The following PCDHA10 variants were observed in gnomAD, a reference collection of about 807,000 sequenced individuals.
PCDHA10 encodes the protein protocadherin alpha-10.
Under a neutral mutation model 61.2 loss-of-function variants are expected in PCDHA10, and 45 were observed. The observed-to-expected ratio is 0.74, with a 90% confidence interval of 0.58 to 0.94. The LOEUF (loss-of-function observed/expected upper bound fraction) is 0.94. Ranked by LOEUF, PCDHA10 falls within the 40% of genes least tolerant of loss-of-function variation. The probability of loss-of-function intolerance (pLI) is 0.00; values close to 1 mark genes in which losing one functional copy is unlikely to be tolerated. For synonymous variants in PCDHA10, 602 were observed against 548.8 expected, an observed-to-expected ratio of 1.10 and a Z score of -1.35; for missense variants, 1,278 against 1,236.2, an observed-to-expected ratio of 1.03 and a Z score of -0.51.
At chr5:141,005,302 G>T (rs940194498) in intron 3 of PCDHA10, among the ~76,000 whole-genome samples, 1 of 152,160 alleles carries the variant, frequency 6.6e-6, no homozygotes, top group Non-Finnish European at 1.5e-5. Context: ...TTGCCTTTGT[G>T]AATCTTACAG....
intron 3 of PCDHA10, among the ~76,000 whole-genome samples, chr5:141,007,395 C>CAAAAAAAAAAAAAAAAAA (rs35800918): frequency 1.1e-5 from 1 of 94,866 alleles, no homozygotes; most frequent in African/African-American, 4.3e-5. Context: ...TACTAAAATA[C>CAAAAAAAAAAAAAAAAAA]AAAAAAAAAA....
intron 1 of PCDHA10, among the ~76,000 whole-genome samples, chr5:140,903,657 A>G (rs913315008): frequency 6.6e-6 from 1 of 152,230 alleles, no homozygotes; most frequent in Non-Finnish European, 1.5e-5. Flanking sequence ...TATATTATAA[A>G]TTTAACTGAT....
chr5:140,923,078 G>A (rs1392146044), intron 1 of PCDHA10, among the ~76,000 whole-genome samples: 1 of 152,200 alleles, frequency 6.6e-6, no homozygotes, highest in African/African-American at 2.4e-5. Context: ...CCTCATGTCA[G>A]CACTTATTTG....
chr5:140,966,278 T>A, intron 1 of PCDHA10: 1 of 363,192 alleles, frequency 2.8e-6, no homozygotes, highest in Non-Finnish European at 4.9e-6. Context: ...AACTGGACAG[T>A]GGGGGTAGGG....
chr5:140,938,226 A>G lies in PCDHA10; in HGVS notation c.2389-40723A>G, dbSNP rs529190111. On this transcript the variant is annotated intron_variant, in intron 1 of 3. Transcript: ENST00000307360. ...CTCCCAAAGTGCTGGGATTACAGGC[A>G]TAGGCCACCATGCCTGGTCTTTTAA... Among the ~76,000 whole-genome samples the G allele has an allele frequency of 3.3e-5, 5 of 152,330 alleles. No individual in the cohort carries two copies. In the South Asian group the frequency reaches 1.0e-3, roughly 32 times the overall value.
intron 1 of PCDHA10, chr5:140,883,560 G>C: frequency 6.2e-7 from 1 of 1,614,184 alleles, no homozygotes; most frequent in South Asian, 1.1e-5. Flanking sequence ...CGGGACGGGG[G>C]CTCGCCTTCG....
intron 1 of PCDHA10, among the ~76,000 whole-genome samples, chr5:140,958,399 T>C (rs1554223458): frequency 6.6e-6 from 1 of 152,178 alleles, no homozygotes; most frequent in African/African-American, 2.4e-5. Flanking sequence ...CATCAAACAT[T>C]ATCACTGATG....
At chr5:140,954,406 G>A (rs556455987) in intron 1 of PCDHA10, among the ~76,000 whole-genome samples, 2 of 152,268 alleles carry the variant, frequency 1.3e-5, no homozygotes, top group East Asian at 3.9e-4. Flanking sequence ...CACCAACAGG[G>A]TAAAGGTGTT....
At chr5:140,972,783 C>T (rs1437997582) in intron 1 of PCDHA10, among the ~76,000 whole-genome samples, 2 of 151,768 alleles carry the variant, frequency 1.3e-5, no homozygotes, top group African/African-American at 4.8e-5. Context: ...TCTGCCTCAG[C>T]CTCCTGAGTA....
chr5:140,936,091 C>T (rs782416143), intron 1 of PCDHA10, among the ~76,000 whole-genome samples: 2 of 152,046 alleles, frequency 1.3e-5, no homozygotes, highest in Non-Finnish European at 2.9e-5. Flanking sequence ...CAGGGTTTCA[C>T]CATGTTGGCC....
chr5:140,869,183 G>A, intron 1 of PCDHA10: 1 of 1,613,958 alleles, frequency 6.2e-7, no homozygotes, highest in Non-Finnish European at 8.5e-7. Flanking sequence ...TGGGAGGTGG[G>A]GAGCGGCCAG....
At position 140,910,081 on chromosome 5, in the gene PCDHA10, A is replaced by G. The variant is rs183187398; in HGVS notation, c.2388+51645A>G. 2.8e-3 allele frequency among the ~76,000 whole-genome samples: 421 copies of G among 152,330 alleles called. 2 individuals are homozygous for G. Among genetic ancestry groups the G allele is most frequent in the Middle Eastern group, 0.014 (4 of 294 alleles). On this transcript the variant is annotated intron_variant, in intron 1 of 3. Coordinates refer to ENST00000307360, the MANE Select transcript of PCDHA10 (RefSeq NM_018901.4). Reference sequence around the variant, plus strand: ...CTTTTAACAGCGTAAATTGTTGTCAAGGGGAACCAGCCTCCCCTTCATTTA... The same window carrying G: ...CTTTTAACAGCGTAAATTGTTGTCAGGGGGAACCAGCCTCCCCTTCATTTA...
At chr5:140,880,840 GT>G (rs1554171522) in intron 1 of PCDHA10, among the ~76,000 whole-genome samples, 2 of 152,176 alleles carry the variant, frequency 1.3e-5, no homozygotes, top group Admixed American at 6.5e-5. Flanking sequence ...ATTTTAAATG[GT>G]TGACTATGTA....
At chr5:140,993,107 A>G (rs2097540621) in intron 3 of PCDHA10, among the ~76,000 whole-genome samples, 1 of 152,218 alleles carries the variant, frequency 6.6e-6, no homozygotes, top group South Asian at 2.1e-4. Context: ...TTCAGCGGTC[A>G]GTGTCACATC....
intron 1 of PCDHA10, chr5:140,876,221 T>C: frequency 1.2e-6 from 2 of 1,613,988 alleles, no homozygotes; most frequent in Non-Finnish European, 1.7e-6. Context: ...TATAAAGTAG[T>C]GTTGTCTGAA....
chr5:140,937,644 G>A (rs1554211697), intron 1 of PCDHA10, among the ~76,000 whole-genome samples: 1 of 151,048 alleles, frequency 6.6e-6, no homozygotes, highest in African/African-American at 2.4e-5. Flanking sequence ...AGGGCATGGT[G>A]GCTCACGCCT....
intron 1 of PCDHA10, among the ~76,000 whole-genome samples, chr5:140,898,613 T>A (rs561301118): frequency 6.6e-6 from 1 of 152,346 alleles, no homozygotes; most frequent in South Asian, 2.1e-4. Flanking sequence ...TAGTTTGAAG[T>A]CAGGTAGCAT....
At chr5:140,955,293 T>A (rs2095165956) in intron 1 of PCDHA10, among the ~76,000 whole-genome samples, 1 of 152,182 alleles carries the variant, frequency 6.6e-6, no homozygotes, top group Non-Finnish European at 1.5e-5. Flanking sequence ...ATGGTTTGGC[T>A]GTGTCCCCAC....
rs942533344 is a variant in PCDHA10, at chr5:140,870,223, T to A, written c.2388+11787T>A. The A allele has an allele frequency of 3.4e-5, 55 of 1,614,052 alleles. No homozygotes were observed. The highest frequency in any genetic ancestry group is 4.5e-5 in the Non-Finnish European group (53 of 1,180,044). On this transcript the variant is annotated intron_variant, in intron 1 of 3. Coordinates refer to ENST00000307360, the MANE Select transcript of PCDHA10 (RefSeq NM_018901.4). ...CACGGTCATTGCCCTGATCAGCGTG[T>A]CTGACCGTGACTCAGGTGTCAACGG...
Sources: allele counts gnomAD v4.1 joint callset (sites outside exome capture counted in the v4.1 genomes callset), GRCh38; gene constraint gnomAD v4.1.1; transcripts MANE v1.5; gene names NCBI Gene and HGNC (gene_info 2026-07-23, HGNC 2026-07-21).